ACVR2B: variants seen among roughly 807,000 people sequenced by gnomAD.
ACVR2B encodes activin A receptor type 2B.
ACVR2B carries 18 observed loss-of-function variants against 65.1 expected under a neutral mutation model. The observed-to-expected ratio is 0.28, with a 90% confidence interval of 0.19 to 0.41. The LOEUF (loss-of-function observed/expected upper bound fraction) is 0.41. Among genes scored for constraint, ACVR2B ranks in the 10% least tolerant of loss-of-function variants. The probability of loss-of-function intolerance (pLI) is 1.00; values close to 1 mark genes in which losing one functional copy is unlikely to be tolerated. For missense variants in ACVR2B, 482 were observed against 682.7 expected (o/e 0.71, Z 3.28); for synonymous variants, 298 against 277.7 (o/e 1.07, Z -0.73).
intron 1 of ACVR2B, among the ~76,000 whole-genome samples, chr3:38,467,043 T>G (rs1463185902): frequency 1.3e-5 from 2 of 152,230 alleles, no homozygotes; most frequent in Non-Finnish European, 2.9e-5. Flanking sequence ...TTCTAAAGAT[T>G]CTTACAATGT....
rs1009805861 is a variant in ACVR2B at position 38,483,319 on chromosome 3, A to G, written c.1526A>G (p.Glu509Gly). 9 of 1,613,954 alleles carry G rather than the reference A, an allele frequency of 5.6e-6. No individual in the cohort carries two copies. The South Asian group carries it at 6.6e-5, about 12-fold the overall frequency. ...SVTNVDLPPK[E>G]SSI The stretch of plus-strand genomic sequence containing the variant: ...ACCAATGTGGACCTGCCCCCTAAAG[A>G]GTCAAGCATCTAAGCCCAGGACATG... Residue 509 changes from glutamate (E) to glycine (G), a missense_variant, in exon 11 of 11, where the codon GAG becomes GGG. Coordinates refer to ENST00000352511, the MANE Select transcript of ACVR2B (RefSeq NM_001106.4). This position sits in a 1 kb window ranked among gnomAD's most constrained non-coding sequence, Gnocchi z 4.8.
At chr3:38,462,314 A>T (rs1022469950) in intron 1 of ACVR2B, among the ~76,000 whole-genome samples, 7 of 152,214 alleles carry the variant, frequency 4.6e-5, no homozygotes, top group African/African-American at 1.7e-4. Flanking sequence ...TGTACAAGTA[A>T]TTACCATAAG....
Position 38,481,297 on chromosome 3 carries a change from G to A in ACVR2B, c.960-54G>A. The A allele has an allele frequency of 6.9e-7, 1 of 1,459,824 alleles. No individual in the cohort carries two copies. Among genetic ancestry groups the A allele is most frequent in the South Asian group, 1.1e-5 (1 of 87,740 alleles). 90.4% of individuals were successfully genotyped at this position (1,459,824 alleles called of 1,614,324 possible). A position where few individuals can be genotyped will look rare whatever the true frequency, so the allele number is the denominator to read the frequency against. Reference sequence around the variant, plus strand: ...CAGACTCTAGTATCTTGGGAACCAAGGTGGGAGTTGGATCATGATGTTAAG... The same window carrying A: ...CAGACTCTAGTATCTTGGGAACCAAAGTGGGAGTTGGATCATGATGTTAAG... On this transcript the variant is annotated intron_variant, in intron 7 of 10. Transcript: ENST00000352511. This position sits in a 1 kb window ranked among gnomAD's most constrained non-coding sequence, Gnocchi z 4.7.
At position 38,478,261 on chromosome 3, in the gene ACVR2B, A is replaced by G; in HGVS notation, c.491A>G (p.Lys164Arg). 1 of 1,614,088 alleles carries G rather than the reference A, an allele frequency of 6.2e-7. No homozygotes were observed. Among genetic ancestry groups the G allele is most frequent in the Non-Finnish European group, 8.5e-7 (1 of 1,180,014 alleles). Residue 164 changes from lysine to arginine, a missense_variant, in exon 4 of 11, where the codon AAG becomes AGG. Lys to Arg is a conservative substitution (Grantham distance 26, BLOSUM62 2). Around this residue, in one of 5 missense-constraint regions of ACVR2B, gnomAD observed 95 missense variants for 91.6 expected, o/e 1.04. Transcript: ENST00000352511. ...GCCTTTTGGATGTACCGGCATCGCA[A>G]GCCCCCCTACGGTCATGTGGACATC... ...LLAFWMYRHRKPPYGHVDIHE... is the reference protein window; with the variant it reads ...LLAFWMYRHRRPPYGHVDIHE...
chr3:38,479,951 C>T (rs938711069), intron 7 of ACVR2B, 125 bp downstream of exon 7: 10 of 1,310,444 alleles, frequency 7.6e-6, no homozygotes, highest in African/African-American at 7.3e-5. Flanking sequence ...GCTGTGTGTC[C>T]GAGGCAGCTG....
Position 38,454,262 on chromosome 3 carries a change from C to A in ACVR2B, c.-61C>A. 8.5e-7 allele frequency: 1 copy of A among 1,182,528 alleles called. No homozygotes were observed. The highest frequency in any genetic ancestry group is 1.0e-6 in the Non-Finnish European group (1 of 953,410). 73.3% of individuals were successfully genotyped at this position (1,182,528 alleles called of 1,614,324 possible). Reference sequence around the variant, plus strand: ...AGCCGCCGCCTGGCCCTGCGCGCCCCGGGAGCGCCGTGCGGCCCTGCCCGC... The same window carrying A: ...AGCCGCCGCCTGGCCCTGCGCGCCCAGGGAGCGCCGTGCGGCCCTGCCCGC... On this transcript the variant is annotated 5_prime_UTR_variant, in exon 1 of 11. Coordinates refer to ENST00000352511, the MANE Select transcript of ACVR2B (RefSeq NM_001106.4).
rs1710166501 is a variant in ACVR2B, at chr3:38,488,898, C to T, written c.*5566C>T. ...AATTCTGAGAACTACTGTAAACCAA[C>T]CACAGGGCACTAAAGCAATGTACAC... On this transcript the variant is annotated 3_prime_UTR_variant, in exon 11 of 11. Coordinates refer to ENST00000352511, the MANE Select transcript of ACVR2B (RefSeq NM_001106.4). The T allele has an allele frequency of 6.6e-6, 1 of 152,212 alleles. No homozygotes were observed. The highest frequency in any genetic ancestry group is 1.5e-5 in the Non-Finnish European group (1 of 68,064). 9.4% of individuals were successfully genotyped at this position (152,212 alleles called of 1,614,324 possible). A position where few individuals can be genotyped will look rare whatever the true frequency, so the allele number is the denominator to read the frequency against.
chr3:38,473,353 C>T (rs1272160832), intron 1 of ACVR2B: 1 of 152,386 alleles, frequency 6.6e-6, no homozygotes, highest in Non-Finnish European at 1.5e-5. Context: ...GGCTTCTCCT[C>T]CTGCCAGGTT....
In ACVR2B at chr3:38,487,311, T is replaced by C. The variant is rs972488661; in HGVS notation, c.*3979T>C. 6.6e-6 allele frequency: 1 copy of C among 152,212 alleles called. No individual in the cohort carries two copies. Among genetic ancestry groups the C allele is most frequent in the African/African-American group, 2.4e-5 (1 of 41,444 alleles). 9.4% of individuals were successfully genotyped at this position (152,212 alleles called of 1,614,324 possible). ...ATAGAGACTCTTGCTCACATATTCT[T>C]AGCAAAGGGAAGGGTCTCTCATCTC... On this transcript the variant is annotated 3_prime_UTR_variant, in exon 11 of 11. Transcript: ENST00000352511.
In ACVR2B at chr3:38,460,583, C is replaced by T. The variant is rs114768794; in HGVS notation, c.52+6209C>T. Among the ~76,000 whole-genome samples, 455 of 152,294 alleles carry T rather than the reference C, an allele frequency of 3.0e-3. 3 individuals are homozygous for T. Among genetic ancestry groups the T allele is most frequent in the African/African-American group, 0.01 (433 of 41,568 alleles). ...TAGGCTTGCTGTACACATGCATGTG[C>T]CTTTTTCAGATTCTTTCTGGGACTG... On this transcript the variant is annotated intron_variant, in intron 1 of 10. Transcript: ENST00000352511.
chr3:38,490,091 A>G lies in ACVR2B; in HGVS notation c.*6759A>G, dbSNP rs1710186324. 1 of 152,246 alleles carries G rather than the reference A, an allele frequency of 6.6e-6. No homozygotes were observed. Among genetic ancestry groups the G allele is most frequent in the African/African-American group, 2.4e-5 (1 of 41,444 alleles). The allele number at this position is 152,246 out of a possible 1,614,324, so 9.4% of individuals were successfully genotyped here. A position where few individuals can be genotyped will look rare whatever the true frequency, so the allele number is the denominator to read the frequency against. On this transcript the variant is annotated 3_prime_UTR_variant, in exon 11 of 11. Transcript: ENST00000352511. ...TGCTTTTCTGAGGAAGCTCAGCATCACTGCCACAATACGGAAAGTGGTCTT... is the reference window on the plus strand; with the variant it reads ...TGCTTTTCTGAGGAAGCTCAGCATCGCTGCCACAATACGGAAAGTGGTCTT...
chr3:38,454,013 G>T lies in ACVR2B; in HGVS notation c.-310G>T, dbSNP rs949175521. ...CCCCTGCGCCCGGGGCCCGGGCCCA[G>T]CCCCGCCGCGCTATGCCTGAGTCGG... is the stretch of plus-strand genomic sequence containing the variant. On this transcript the variant is annotated 5_prime_UTR_variant, in exon 1 of 11. Coordinates refer to ENST00000352511, the MANE Select transcript of ACVR2B (RefSeq NM_001106.4). 4 of 129,544 alleles carry T rather than the reference G, an allele frequency of 3.1e-5. No individual in the cohort carries two copies. Among genetic ancestry groups the T allele is most frequent in the African/African-American group, 1.1e-4 (4 of 35,820 alleles). 8.0% of individuals were successfully genotyped at this position (129,544 alleles called of 1,614,324 possible). A position where few individuals can be genotyped will look rare whatever the true frequency, so the allele number is the denominator to read the frequency against.
chr3:38,456,156 C>T (rs1309908019), intron 1 of ACVR2B, among the ~76,000 whole-genome samples: 1 of 152,240 alleles, frequency 6.6e-6, no homozygotes. Flanking sequence ...AGGGGGCAGT[C>T]AGAGTCACAC....
Position 38,483,255 on chromosome 3 carries a change from A to G in ACVR2B, c.1462A>G (p.Thr488Ala), listed in dbSNP as rs1175419252. The G allele has an allele frequency of 6.2e-7, 1 of 1,613,880 alleles. No individual in the cohort carries two copies. Among genetic ancestry groups the G allele is most frequent in the Non-Finnish European group, 8.5e-7 (1 of 1,179,990 alleles). Residue 488 changes from threonine to alanine, a missense_variant, in exon 11 of 11, where the codon ACT (threonine) becomes GCT (alanine). Physicochemically the swap from Thr to Ala is moderately conservative, Grantham distance 58. Transcript: ENST00000352511. This position sits in a 1 kb window ranked among gnomAD's most constrained non-coding sequence, Gnocchi z 4.8. ...CCTGATTCGGAGGTCGGTCAACGGC[A>G]CTACCTCGGACTGTCTCGTTTCCCT... The part of the protein sequence containing the change: ...VSLIRRSVNG[T>A]TSDCLVSLVT...
At position 38,454,210 on chromosome 3, in the gene ACVR2B, CGAAG is replaced by C. The variant is rs1430245639; in HGVS notation, c.-106_-103del. ...GCAGGAAGCGCGCAGGGAACGAGAC[CGAAG>C]GAAGGAGCGGGAAGGAGAGCGCAGC... On this transcript the variant is annotated 5_prime_UTR_variant, in exon 1 of 11. Coordinates refer to ENST00000352511, the MANE Select transcript of ACVR2B (RefSeq NM_001106.4). The C allele has an allele frequency of 6.3e-6, 5 of 797,520 alleles. No individual in the cohort carries two copies. In the African/African-American group the frequency reaches 7.4e-5, roughly 12 times the overall value. 49.4% of individuals were successfully genotyped at this position (797,520 alleles called of 1,614,324 possible).
intron 1 of ACVR2B, among the ~76,000 whole-genome samples, chr3:38,468,488 C>G (rs1259974993): frequency 2.0e-5 from 3 of 152,172 alleles, no homozygotes; most frequent in Non-Finnish European, 2.9e-5. Flanking sequence ...AAGAGGCTCT[C>G]TGTTCATTTT....
At chr3:38,482,074 G>T in intron 8 of ACVR2B, 124 bp from the exon 9 acceptor site, 1 of 1,284,574 alleles carries the variant, frequency 7.8e-7, no homozygotes, top group South Asian at 1.2e-5. Context: ...TGCTATCATT[G>T]ATAACCTGTC....
At position 38,486,607 on chromosome 3, in the gene ACVR2B, G is replaced by A. The variant is rs1710125983; in HGVS notation, c.*3275G>A. 1 of 152,172 alleles carries A rather than the reference G, an allele frequency of 6.6e-6. No individual in the cohort carries two copies. Among genetic ancestry groups the A allele is most frequent in the South Asian group, 2.1e-4 (1 of 4,824 alleles). The allele number at this position is 152,172 out of a possible 1,614,324, so 9.4% of individuals were successfully genotyped here. On this transcript the variant is annotated 3_prime_UTR_variant, in exon 11 of 11. Transcript: ENST00000352511. ...GACCTCAGGCTCTGTGGCAGACTGG[G>A]GAAAATGGGGCCTGGCATCATTTTC...
intron 1 of ACVR2B, among the ~76,000 whole-genome samples, chr3:38,468,944 G>A (rs1041655296): frequency 1.4e-4 from 22 of 152,134 alleles, no homozygotes; most frequent in Non-Finnish European, 2.9e-4. Context: ...GAATGATGGG[G>A]CCTGGAAAAA....
Sources: allele counts gnomAD v4.1 joint callset (sites outside exome capture counted in the v4.1 genomes callset), GRCh38; gene constraint gnomAD v4.1.1; regional missense constraint gnomAD v4.1.1; non-coding constraint Gnocchi (gnomAD v3.1); transcripts MANE v1.5; gene names NCBI Gene and HGNC (gene_info 2026-07-23, HGNC 2026-07-21).